Variants in DUS2 observed in about 807,000 individuals in gnomAD.
The protein encoded by DUS2 is dihydrouridine synthase 2, also known as tRNA-dihydrouridine(20) synthase [NAD(P)+]-like.
DUS2 carries 52 observed loss-of-function variants against 71.3 expected under a neutral mutation model. That is an observed-to-expected ratio of 0.73 (90% CI 0.58 to 0.92). The LOEUF (loss-of-function observed/expected upper bound fraction) is 0.92, where lower values mean the gene tolerates loss of function less well. Among genes scored for constraint, DUS2 ranks in the 40% least tolerant of loss-of-function variants. The probability of loss-of-function intolerance (pLI) is 0.00; values close to 1 mark genes in which losing one functional copy is unlikely to be tolerated. For missense variants in DUS2, 558 were observed against 622.6 expected, an observed-to-expected ratio of 0.90 and a Z score of 1.10; for synonymous variants, 204 against 227.8, an observed-to-expected ratio of 0.90 and a Z score of 0.94.
chr16:68,078,818 G>C lies in DUS2; in HGVS notation c.1314G>C (p.Glu438Asp). 1 of 1,613,368 alleles carries C rather than the reference G, an allele frequency of 6.2e-7. No individual in the cohort carries two copies. The highest frequency in any genetic ancestry group is 1.1e-5 in the South Asian group (1 of 91,072). ...IVCLRSQGLP[E>D]GRLGEESPSL... is the part of the protein sequence containing the mutation. ...GTCTGCGGAGCCAGGGCCTCCCTGA[G>C]GGTCGGCTGGGTGAGGAGAGCCCTT... The change falls in exon 17 of 17, where the codon GAG becomes GAC. Residue 438 changes from glutamate to aspartate, a missense_variant. By Grantham distance (45) the Glu-to-Asp change is conservative (BLOSUM62 2). Coordinates refer to ENST00000565263, the MANE Select transcript of DUS2 (RefSeq NM_017803.5).
intron 4 of DUS2, among the ~76,000 whole-genome samples, chr16:68,051,611 A>G (rs1359014516): frequency 2.0e-5 from 3 of 152,052 alleles, no homozygotes; most frequent in Admixed American, 2.0e-4. Context: ...AGCTGGTCTC[A>G]AACTCCTGGC....
chr16:68,028,571 G>A (rs1307911961), intron 2 of DUS2, among the ~76,000 whole-genome samples: 1 of 152,102 alleles, frequency 6.6e-6, no homozygotes, highest in Non-Finnish European at 1.5e-5. Context: ...CCCGGGAGGC[G>A]GAGGTTGCAG....
intron 3 of DUS2, among the ~76,000 whole-genome samples, chr16:68,044,396 C>CTTTTTT (rs1001911267): frequency 7.4e-6 from 1 of 135,556 alleles, no homozygotes; most frequent in Non-Finnish European, 1.6e-5. Context: ...TCTTTAATTT[C>CTTTTTT]TTTTTTTTTT....
intron 3 of DUS2, among the ~76,000 whole-genome samples, chr16:68,038,492 G>T (rs2033568478): frequency 6.6e-6 from 1 of 152,098 alleles, no homozygotes; most frequent in African/African-American, 2.4e-5. Flanking sequence ...CACTTTGGGA[G>T]GCCAAGGCGG....
intron 11 of DUS2, 30 bp downstream of exon 11, chr16:68,070,250 G>C: frequency 1.2e-6 from 2 of 1,603,302 alleles, no homozygotes; most frequent in Non-Finnish European, 1.7e-6. Flanking sequence ...CATGTACTCT[G>C]TGTCCCACAG....
intron 10 of DUS2, among the ~76,000 whole-genome samples, chr16:68,067,394 G>A (rs2034025829): frequency 7.0e-6 from 1 of 143,468 alleles, no homozygotes; most frequent in Admixed American, 7.1e-5. Context: ...TGATTCTCCT[G>A]CCTCAGCCTC....
intron 13 of DUS2, among the ~76,000 whole-genome samples, chr16:68,074,582 C>A (rs1387365381): frequency 6.6e-6 from 1 of 152,188 alleles, no homozygotes; most frequent in Admixed American, 6.5e-5. Flanking sequence ...AGATGGTTGA[C>A]AGTTGAGGCC....
rs1045527016 is a variant in DUS2 at position 68,030,207 on chromosome 16, C to T, written c.-19+4713C>T. Reference sequence around the variant, plus strand: ...AAAGTTGCAGATACCAGGATGAAACCGCTTTTGTCAAAATAGGACAAGGAA... The same window carrying T: ...AAAGTTGCAGATACCAGGATGAAACTGCTTTTGTCAAAATAGGACAAGGAA... On this transcript the variant is annotated intron_variant, in intron 2 of 16. Coordinates refer to ENST00000565263, the MANE Select transcript of DUS2 (RefSeq NM_017803.5). Among the ~76,000 whole-genome samples the T allele has an allele frequency of 3.3e-5, 5 of 151,996 alleles. No individual in the cohort carries two copies. In the South Asian group the frequency reaches 6.2e-4, roughly 19 times the overall value.
intron 7 of DUS2, among the ~76,000 whole-genome samples, chr16:68,057,959 C>T (rs574895558): frequency 6.6e-6 from 1 of 151,508 alleles, no homozygotes; most frequent in African/African-American, 2.4e-5. Context: ...CTATGGTAGC[C>T]CAGAGAAGGG....
Position 68,076,623 on chromosome 16 carries a change from T to C in DUS2, c.1083-9T>C, listed in dbSNP as rs780298462. 6.2e-7 allele frequency: 1 copy of C among 1,611,326 alleles called. No homozygotes were observed. Among genetic ancestry groups the C allele is most frequent in the Non-Finnish European group, 8.5e-7 (1 of 1,178,006 alleles). On this transcript the variant is annotated splice_polypyrimidine_tract_variant and intron_variant, in intron 14 of 16. Coordinates refer to ENST00000565263, the MANE Select transcript of DUS2 (RefSeq NM_017803.5). ...GGGTGACCCCAACTGCTTCCCTTCC[T>C]TTCCCCAGGAGAGCATACCCAGCCC...
At chr16:68,063,867 C>T (rs1188568938) in intron 8 of DUS2, among the ~76,000 whole-genome samples, 2 of 152,172 alleles carry the variant, frequency 1.3e-5, no homozygotes, top group Non-Finnish European at 2.9e-5. Flanking sequence ...AGATTACAGG[C>T]ATGCACCACA....
At chr16:68,048,042 T>A (rs1485326842) in intron 3 of DUS2, among the ~76,000 whole-genome samples, 1 of 152,192 alleles carries the variant, frequency 6.6e-6, no homozygotes, top group Non-Finnish European at 1.5e-5. Flanking sequence ...TTTGGTTTTC[T>A]AAAGTGTAGG....
At chr16:68,068,072 G>A (rs1198120934) in intron 10 of DUS2, among the ~76,000 whole-genome samples, 1 of 152,206 alleles carries the variant, frequency 6.6e-6, no homozygotes, top group East Asian at 1.9e-4. Context: ...GAGAGCTGAG[G>A]TTCTGAAGGC....
At chr16:68,074,193 G>T (rs377652698) in intron 13 of DUS2, 38 bp downstream of exon 13, 11 of 1,611,328 alleles carry the variant, frequency 6.8e-6, no homozygotes, top group Middle Eastern at 1.6e-4. Context: ...GTCCTTGTAC[G>T]CATTGCCCAA....
At chr16:68,039,647 T>C (rs2033591742) in intron 3 of DUS2, among the ~76,000 whole-genome samples, 1 of 152,034 alleles carries the variant, frequency 6.6e-6, no homozygotes. Flanking sequence ...GGTCTCGATC[T>C]CCTGACCTCA....
rs1398359772 is a variant in DUS2 at position 68,029,520 on chromosome 16, C to T, written c.-19+4026C>T. Among the ~76,000 whole-genome samples the T allele has an allele frequency of 2.0e-5, 3 of 151,986 alleles. 1 individual carries two copies. The highest frequency in any genetic ancestry group is 6.6e-5 in the Admixed American group (1 of 15,234). ...GGAGTGCAGTGATACGATCTTGGCT[C>T]ACTGCAGCCTCCACCTCACAAGTTC... On this transcript the variant is annotated intron_variant, in intron 2 of 16. Coordinates refer to ENST00000565263, the MANE Select transcript of DUS2 (RefSeq NM_017803.5).
intron 3 of DUS2, among the ~76,000 whole-genome samples, chr16:68,039,702 T>C (rs2151414339): frequency 6.6e-6 from 1 of 151,688 alleles, no homozygotes; most frequent in South Asian, 2.1e-4. Context: ...ATTACAGGTG[T>C]GAGCCACCGT....
chr16:68,072,848 G>C (rs573139311), intron 12 of DUS2, among the ~76,000 whole-genome samples: 1 of 152,166 alleles, frequency 6.6e-6, no homozygotes, highest in Non-Finnish European at 1.5e-5. Flanking sequence ...TTCATTTCAC[G>C]GTCTGTGGAG....
intron 3 of DUS2, 74 bp from the exon 4 acceptor site, chr16:68,049,431 G>T: frequency 6.7e-7 from 1 of 1,482,476 alleles, no homozygotes; most frequent in South Asian, 1.1e-5. Context: ...TCCTCATTAG[G>T]TGTGTGATGA....
Sources: gnomAD v4.1 joint callset for allele counts (sites outside exome capture counted in the v4.1 genomes callset) on GRCh38, gnomAD v4.1.1 for gene constraint, MANE v1.5 for transcripts, NCBI Gene and HGNC (gene_info 2026-07-23, HGNC 2026-07-21) for gene names.